MAP9: variants seen among roughly 807,000 people sequenced by gnomAD.
MAP9 encodes microtubule associated protein 9.
MAP9 carries 80 observed loss-of-function variants against 75.2 expected under a neutral mutation model. That is an observed-to-expected ratio of 1.06 (90% CI 0.89 to 1.28). MAP9 has a LOEUF of 1.28. Among genes scored for constraint, MAP9 ranks in the 50% most tolerant of loss-of-function variants. The pLI is 0.00. For missense variants in MAP9, 753 were observed against 719.9 expected, an observed-to-expected ratio of 1.05 and a Z score of -0.53; for synonymous variants, 235 against 237.3, an observed-to-expected ratio of 0.99 and a Z score of 0.09.
At chr4:155,360,582 G>A in intron 6 of MAP9, 167 bp from the exon 7 acceptor site, 2 of 615,658 alleles carry the variant, frequency 3.2e-6, no homozygotes, top group Non-Finnish European at 2.6e-6. Flanking sequence ...TTTCGAAAGT[G>A]ATTTACAAAA....
intron 3 of MAP9, among the ~76,000 whole-genome samples, chr4:155,374,246 G>A (rs71605244): frequency 0.17 from 26,366 of 152,060 alleles, 2,951 homozygotes; most frequent in South Asian, 0.28. Context: ...GGCTGAAGGA[G>A]GAGAATCACT....
intron 7 of MAP9, 94 bp from the exon 8 acceptor site, chr4:155,357,613 G>A: frequency 2.8e-6 from 2 of 723,082 alleles, no homozygotes; most frequent in East Asian, 5.4e-5. Context: ...TATTCTTTAA[G>A]CATCTACTAT....
intron 5 of MAP9, chr4:155,363,424 C>T (rs1023344839): frequency 4.0e-5 from 6 of 151,870 alleles, no homozygotes; most frequent in African/African-American, 1.5e-4. Flanking sequence ...AATAAAAAAA[C>T]AGAGAATGGT....
intron 13 of MAP9, chr4:155,350,226 T>G (rs1361712093): frequency 2.2e-6 from 1 of 452,210 alleles, no homozygotes; most frequent in Non-Finnish European, 4.4e-6. Flanking sequence ...ACAGGGGCAA[T>G]TTTTCTATTC....
chr4:155,362,282 C>A (rs968189833), intron 5 of MAP9, 141 bp from the exon 6 acceptor site: 9 of 553,706 alleles, frequency 1.6e-5, no homozygotes, highest in Non-Finnish European at 2.8e-5. Context: ...TGCTGAAACG[C>A]AAAGTGTGAC....
intron 13 of MAP9, chr4:155,351,258 C>G (rs571882670): frequency 6.6e-6 from 1 of 151,836 alleles, no homozygotes; most frequent in Admixed American, 6.6e-5. Flanking sequence ...AAATGGGCTA[C>G]TTTATAAAGG....
chr4:155,347,547 T>C lies in MAP9; in HGVS notation c.*236A>G, dbSNP rs183149375. The C allele has an allele frequency of 5.4e-3, 1,982 of 367,920 alleles. 11 individuals carry two copies. Among genetic ancestry groups the C allele is most frequent in the Non-Finnish European group, 6.0e-3 (1,243 of 207,250 alleles). The allele number at this position is 367,920 out of a possible 1,614,324, so 22.8% of individuals were successfully genotyped here. ...ATTATCAGGACATGATAAAATCTTA[T>C]GTATCTTAATGGTAAAAACAATCTG... On this transcript the variant is annotated 3_prime_UTR_variant, in exon 14 of 14. Transcript: ENST00000311277.
At chr4:155,373,547 C>T (rs1732701523) in intron 3 of MAP9, 91 bp from the exon 4 acceptor site, 4 of 846,816 alleles carry the variant, frequency 4.7e-6, no homozygotes, top group Non-Finnish European at 6.8e-6. Context: ...TTAAAAGCTA[C>T]AAACAAAATT....
chr4:155,359,875 C>A (rs1731988237), intron 7 of MAP9, among the ~76,000 whole-genome samples: 1 of 151,816 alleles, frequency 6.6e-6, no homozygotes, highest in Non-Finnish European at 1.5e-5. Context: ...AATATGAAGA[C>A]CTATGGAAAT....
rs769936607 is a variant in MAP9 at position 155,368,535 on chromosome 4, A to G, written c.708+51T>C. 23 of 1,417,360 alleles carry G rather than the reference A, an allele frequency of 1.6e-5. 1 individual carries two copies. The East Asian group carries it at 5.0e-4, about 31-fold the overall frequency. 87.8% of individuals were successfully genotyped at this position (1,417,360 alleles called of 1,614,324 possible). On this transcript the variant is annotated intron_variant, in intron 5 of 13. Transcript: ENST00000311277. The stretch of plus-strand genomic sequence containing the variant: ...TCCTTCTCTTTTTCATAATCAGATA[A>G]AAAAGCATAAATTCAAGAACACAAT...
In MAP9 at chr4:155,373,453, G is replaced by C. The variant is rs982065154; in HGVS notation, c.164C>G (p.Ser55Cys). 6.7e-7 allele frequency: 1 copy of C among 1,495,534 alleles called. No homozygotes were observed. The highest frequency in any genetic ancestry group is 8.9e-7 in the Non-Finnish European group (1 of 1,129,236). The allele number at this position is 1,495,534 out of a possible 1,614,324, so 92.6% of individuals were successfully genotyped here. The change falls in exon 4 of 14, where the codon TCT (serine) becomes TGT (cysteine). Residue 55 changes from serine to cysteine, a missense_variant. Transcript: ENST00000311277. ...TGAAGTGTCAGAAAAATCACCTAAAGAAACTGAAAAATGGAAAAGAAAAAT... is the reference window on the plus strand; with the variant it reads ...TGAAGTGTCAGAAAAATCACCTAAACAAACTGAAAAATGGAAAAGAAAAAT... ...SDDFDSDEIV[S>C]LGDFSDTSAD...
chr4:155,365,504 G>A (rs1732283251), intron 5 of MAP9, among the ~76,000 whole-genome samples: 1 of 152,082 alleles, frequency 6.6e-6, no homozygotes, highest in Non-Finnish European at 1.5e-5. Flanking sequence ...TACCAACCAT[G>A]TTGACCAAAC....
intron 13 of MAP9, chr4:155,349,976 T>C (rs1298387127): frequency 4.6e-6 from 1 of 215,098 alleles, no homozygotes; most frequent in Non-Finnish European, 9.3e-6. Context: ...AAGAACCTTG[T>C]TAAAAAGTCC....
intron 13 of MAP9, 98 bp from the exon 14 acceptor site, chr4:155,348,003 T>TTCCTATATATAAATAGGAA (rs2111176681): frequency 1.4e-6 from 1 of 735,852 alleles, no homozygotes; most frequent in Non-Finnish European, 2.2e-6. Flanking sequence ...CATTATAGGA[T>TTCCTATATATAAATAGGAA]ATTTATATAT....
chr4:155,375,725 A>C (rs368329716), intron 2 of MAP9, 51 bp downstream of exon 2: 7 of 1,181,564 alleles, frequency 5.9e-6, no homozygotes, highest in Non-Finnish European at 8.8e-6. Context: ...ATTTCAACCC[A>C]TCTAATACAG....
At chr4:155,349,923 A>G (rs1289149145) in intron 13 of MAP9, 1 of 173,960 alleles carries the variant, frequency 5.7e-6, no homozygotes, top group Non-Finnish European at 1.2e-5. Context: ...ATTAACTGTA[A>G]TATCAGTTCA....
Position 155,373,431 on chromosome 4 carries a change from A to G in MAP9, c.186T>C (p.Thr62=). 6.4e-7 allele frequency: 1 copy of G among 1,565,172 alleles called. No homozygotes were observed. Among genetic ancestry groups the G allele is most frequent in the Non-Finnish European group, 8.6e-7 (1 of 1,157,614 alleles). Residue 62 remains threonine (T), a synonymous_variant, in exon 4 of 14, where the codon ACT becomes ACC. Coordinates refer to ENST00000311277, the MANE Select transcript of MAP9 (RefSeq NM_001039580.2). ...EIVSLGDFSD[T]SADENSVNKK... is the part of the protein sequence containing the mutation. ...TATTAACTGAATTTTCATCTGCTGA[A>G]GTGTCAGAAAAATCACCTAAAGAAA... is the stretch of plus-strand genomic sequence containing the variant.
At chr4:155,362,771 A>C (rs1323196237) in intron 5 of MAP9, 4 of 152,204 alleles carry the variant, frequency 2.6e-5, no homozygotes, top group Middle Eastern at 3.2e-3. Context: ...ACAATGTAGG[A>C]AGTTCAACTT....
chr4:155,344,057 G>C lies in MAP9; in HGVS notation c.*3726C>G, dbSNP rs1268067024. On this transcript the variant is annotated 3_prime_UTR_variant, in exon 14 of 14. Coordinates refer to ENST00000311277, the MANE Select transcript of MAP9 (RefSeq NM_001039580.2). ...AGGGAAATCTAAGTTTCTTTTACTA[G>C]TTTATTCTTGGGAATGATTATAACT... The C allele has an allele frequency of 1.3e-5, 2 of 151,904 alleles. No individual in the cohort carries two copies. The highest frequency in any genetic ancestry group is 4.8e-5 in the African/African-American group (2 of 41,410). The allele number at this position is 151,904 out of a possible 1,614,324, so 9.4% of individuals were successfully genotyped here. A position where few individuals can be genotyped will look rare whatever the true frequency, so the allele number is the denominator to read the frequency against.
Sources: gnomAD v4.1 joint callset for allele counts (sites outside exome capture counted in the v4.1 genomes callset) on GRCh38, gnomAD v4.1.1 for gene constraint, MANE v1.5 for transcripts, NCBI Gene and HGNC (gene_info 2026-07-23, HGNC 2026-07-21) for gene names.